Variants in ABCC1 observed in about 807,000 individuals in gnomAD.
The protein encoded by ABCC1 is ATP binding cassette subfamily C member 1 (ABCC1 blood group).
A neutral mutation model predicts 172.9 loss-of-function variants in ABCC1; 83 were observed. That is an observed-to-expected ratio of 0.48 (90% CI 0.40 to 0.58). The LOEUF is 0.58. Among genes scored for constraint, ABCC1 ranks in the 20% least tolerant of loss-of-function variants. The pLI is 0.00. For missense variants in ABCC1, 1,817 were observed against 2,002.7 expected, an observed-to-expected ratio of 0.91 and a Z score of 1.77; for synonymous variants, 937 against 825.2, an observed-to-expected ratio of 1.14 and a Z score of -2.32.
chr16:16,068,196 A>C lies in ABCC1; in HGVS notation c.1718A>C (p.Glu573Ala). The change falls in exon 13 of 31, where the codon GAG (glutamate) becomes GCG (alanine). Residue 573 changes from glutamate (E) to alanine (A), a missense_variant. By Grantham distance (107) the Glu-to-Ala change is moderately radical. Transcript: ENST00000399410. ...CTFAVYVTID[E>A]NNILDAQTAF... ...TTTGCCGTCTACGTGACCATTGACG[A>C]GAACAACATCCTGGATGCCCAGACA... 1 of 1,614,158 alleles carries C rather than the reference A, an allele frequency of 6.2e-7. No individual in the cohort carries two copies. Among genetic ancestry groups the C allele is most frequent in the African/African-American group, 1.3e-5 (1 of 75,026 alleles).
intron 1 of ABCC1, among the ~76,000 whole-genome samples, chr16:15,966,041 TGGCCCAGCTCACCGTTCTAGCAGG>T (rs549661400): frequency 9.2e-5 from 14 of 152,262 alleles, no homozygotes; most frequent in Middle Eastern, 3.4e-3. Context: ...AAAAGTGAGC[TGGCCCAGCTCACCGTTCTAGCAGG>T]GTCTAAGGTT....
intron 1 of ABCC1, among the ~76,000 whole-genome samples, chr16:15,994,638 GA>G (rs1376465764): frequency 6.6e-6 from 1 of 152,026 alleles, no homozygotes; most frequent in African/African-American, 2.4e-5. Flanking sequence ...TATTATTTTA[GA>G]AATCATGCAG....
At chr16:16,000,203 A>T (rs1049424418) in intron 1 of ABCC1, among the ~76,000 whole-genome samples, 1 of 149,822 alleles carries the variant, frequency 6.7e-6, no homozygotes, top group Admixed American at 6.7e-5. Flanking sequence ...TTGGAGTGCA[A>T]TGGTGTGATT....
intron 1 of ABCC1, among the ~76,000 whole-genome samples, chr16:15,954,617 A>G (rs898327650): frequency 1.3e-5 from 2 of 152,082 alleles, no homozygotes; most frequent in African/African-American, 4.8e-5. Context: ...TCAGGAGCGG[A>G]TTCAGGGTTC....
At chr16:16,050,442 G>A (rs2049379406) in intron 10 of ABCC1, among the ~76,000 whole-genome samples, 1 of 151,864 alleles carries the variant, frequency 6.6e-6, no homozygotes, top group African/African-American at 2.4e-5. Flanking sequence ...TTGGGCAACA[G>A]AGCGAGACTC....
rs552526121 is a variant in ABCC1, at chr16:16,008,758, C to G, written c.225+766C>G. ...CTTGGGAGGCTGAGGTGGGAGGATC[C>G]CTTGAACCCAGGAGGCAGAGGTTGC... On this transcript the variant is annotated intron_variant, in intron 2 of 30. Transcript: ENST00000399410. 4.7e-5 allele frequency among the ~76,000 whole-genome samples: 7 copies of G among 149,746 alleles called. No homozygotes were observed. In the East Asian group the frequency reaches 1.2e-3, roughly 26 times the overall value.
intron 26 of ABCC1, among the ~76,000 whole-genome samples, chr16:16,129,157 GTTTC>G (rs766227893): frequency 1.3e-5 from 2 of 152,102 alleles, no homozygotes; most frequent in Middle Eastern, 3.2e-3. Flanking sequence ...TTGTTTGCTT[GTTTC>G]TTTTTCTTTT....
At chr16:16,134,622 G>GTTAT in intron 28 of ABCC1, 114 bp downstream of exon 28, 1 of 574,760 alleles carries the variant, frequency 1.7e-6, no homozygotes, top group Non-Finnish European at 2.5e-6. Flanking sequence ...CTACTTCATC[G>GTTAT]TTCTTTTTTT....
chr16:15,968,905 T>C (rs1400273762), intron 1 of ABCC1, among the ~76,000 whole-genome samples: 2 of 142,330 alleles, frequency 1.4e-5, no homozygotes, highest in Admixed American at 6.7e-5. Flanking sequence ...TTTCTTTTTT[T>C]TTTTTGTATT....
At chr16:15,990,865 G>T (rs1473887483) in intron 1 of ABCC1, among the ~76,000 whole-genome samples, 3 of 142,582 alleles carry the variant, frequency 2.1e-5, no homozygotes, top group Non-Finnish European at 3.0e-5. Context: ...GGGTTTCACC[G>T]TGTTAGCCAG....
At chr16:16,078,576 C>T (rs796419388) in intron 15 of ABCC1, among the ~76,000 whole-genome samples, 3 of 152,308 alleles carry the variant, frequency 2.0e-5, no homozygotes, top group Admixed American at 6.5e-5. Context: ...TCAGTGCCAT[C>T]GCATCCCTGG....
chr16:16,069,395 T>G (rs2050246935), intron 13 of ABCC1, among the ~76,000 whole-genome samples: 1 of 151,640 alleles, frequency 6.6e-6, no homozygotes, highest in South Asian at 2.1e-4. Context: ...TTGTTTTTAT[T>G]TTTTAGAAAC....
chr16:16,054,073 C>T (rs2049546033), intron 11 of ABCC1, among the ~76,000 whole-genome samples: 1 of 151,772 alleles, frequency 6.6e-6, no homozygotes, highest in African/African-American at 2.4e-5. Context: ...CTCCCGGGTT[C>T]AAGTAGTTCT....
chr16:16,048,039 A>AT, intron 9 of ABCC1, 103 bp from the exon 10 acceptor site: 1 of 1,414,572 alleles, frequency 7.1e-7, no homozygotes, highest in East Asian at 2.3e-5. Flanking sequence ...GATCTGCGGC[A>AT]TTTCTGCCCC....
chr16:16,095,136 T>G (rs2152035397), intron 19 of ABCC1: 1 of 152,336 alleles, frequency 6.6e-6, no homozygotes, highest in Non-Finnish European at 1.5e-5. Context: ...GTTCTTAAGG[T>G]GAACACGAAG....
rs756352803 is a variant in ABCC1, at chr16:16,136,458, A to G, written c.4126-20A>G. On this transcript the variant is annotated intron_variant, in intron 28 of 30. Coordinates refer to ENST00000399410, the MANE Select transcript of ABCC1 (RefSeq NM_004996.4). ...GTGACACAGGTGTCACATGCCGTCC[A>G]CTCTCTTCTCTCTGAACAGGACCCT... is the stretch of plus-strand genomic sequence containing the variant. 1.2e-6 allele frequency: 2 copies of G among 1,612,532 alleles called. No individual in the cohort carries two copies. Among genetic ancestry groups the G allele is most frequent in the Non-Finnish European group, 1.7e-6 (2 of 1,179,166 alleles).
chr16:16,075,039 G>A (rs1467416960), intron 14 of ABCC1, among the ~76,000 whole-genome samples: 1 of 149,950 alleles, frequency 6.7e-6, no homozygotes, highest in African/African-American at 2.5e-5. Context: ...CTCTGCCTTG[G>A]TTTCAAGCGA....
At chr16:16,002,294 G>A (rs12921748) in intron 1 of ABCC1, among the ~76,000 whole-genome samples, 80,564 of 151,930 alleles carry the variant, frequency 0.53, 21,960 homozygotes, top group Non-Finnish European at 0.61. Flanking sequence ...AACAGAAGAT[G>A]TATATTTACT....
At chr16:16,119,775 G>A (rs570982083) in intron 23 of ABCC1, among the ~76,000 whole-genome samples, 1 of 152,160 alleles carries the variant, frequency 6.6e-6, no homozygotes, top group Non-Finnish European at 1.5e-5. Context: ...AGTGGCAAGT[G>A]GAGGAAAGTG....
Sources: gnomAD v4.1 joint callset for allele counts (sites outside exome capture counted in the v4.1 genomes callset) on GRCh38, gnomAD v4.1.1 for gene constraint, MANE v1.5 for transcripts, NCBI Gene and HGNC (gene_info 2026-07-23, HGNC 2026-07-21) for gene names.